Variants in DPP6 observed in about 807,000 individuals in gnomAD.
DPP6 encodes dipeptidyl peptidase like 6.
Under a neutral mutation model 122.6 loss-of-function variants are expected in DPP6, and 69 were observed. The observed-to-expected ratio is 0.56, with a 90% CI of 0.46 to 0.69. The LOEUF is 0.69. DPP6 is among the 30% of genes least tolerant of loss of function. The pLI is 0.00. For synonymous variants in DPP6, 418 were observed against 433.1 expected (o/e 0.97, Z 0.43); for missense variants, 928 against 1,116.9 (o/e 0.83, Z 2.41).
chr7:154,862,591 G>T (rs1485996863), intron 17 of DPP6, among the ~76,000 whole-genome samples: 1 of 152,186 alleles, frequency 6.6e-6, no homozygotes, highest in East Asian at 1.9e-4. Context: ...TGCGGGAGGA[G>T]AGCTGGGCTT....
At chr7:154,453,849 T>C (rs773959818) in intron 2 of DPP6, among the ~76,000 whole-genome samples, 3 of 152,212 alleles carry the variant, frequency 2.0e-5, no homozygotes, top group Admixed American at 6.5e-5. Flanking sequence ...AGATTCATAG[T>C]TGTATTTTAG....
chr7:153,996,374 G>A (rs1475622121), intron 1 of DPP6, among the ~76,000 whole-genome samples: 1 of 152,104 alleles, frequency 6.6e-6, no homozygotes, highest in Non-Finnish European at 1.5e-5. Context: ...AAGATGTAGG[G>A]ACGGAGAAGT....
chr7:153,864,672 T>A, the DPP6 span, among the ~76,000 whole-genome samples: 1 of 135,194 alleles, frequency 7.4e-6, no homozygotes, highest in Non-Finnish European at 1.6e-5. Context: ...ATAATAATAA[T>A]ACACACACAC....
chr7:154,300,629 G>T lies in DPP6; in HGVS notation c.244-145585G>T, dbSNP rs539684032. 1.1e-3 allele frequency among the ~76,000 whole-genome samples: 162 copies of T among 152,204 alleles called. 1 individual carries two copies. Among genetic ancestry groups the T allele is most frequent in the African/African-American group, 3.8e-3 (157 of 41,514 alleles). On this transcript the variant is annotated intron_variant, in intron 1 of 25. Transcript: ENST00000377770. ...GGAGGGGTCTGAAGAGACACAGGAC[G>T]TGTGTATACGTGTGTGGGGATTTGG...
At chr7:154,806,218 G>A (rs1268282357) in intron 15 of DPP6, among the ~76,000 whole-genome samples, 5 of 152,334 alleles carry the variant, frequency 3.3e-5, no homozygotes, top group African/African-American at 7.2e-5. Flanking sequence ...TCTCTCTCCC[G>A]TGAAATATCT....
intron 2 of DPP6, among the ~76,000 whole-genome samples, chr7:154,454,603 G>T (rs149680616): frequency 7.2e-5 from 11 of 152,238 alleles, no homozygotes; most frequent in African/African-American, 2.6e-4. Flanking sequence ...GGAGGGGCCA[G>T]GTGTGGTCAA....
At chr7:154,889,719 C>A in intron 25 of DPP6, 189 bp downstream of exon 25, 2 of 876,344 alleles carry the variant, frequency 2.3e-6, no homozygotes, top group Non-Finnish European at 3.4e-6. Flanking sequence ...TTAATGATAG[C>A]TCCGCTCTGT....
the DPP6 span, among the ~76,000 whole-genome samples, chr7:153,856,261 C>T: frequency 6.6e-6 from 1 of 152,148 alleles, no homozygotes; most frequent in African/African-American, 2.4e-5. Context: ...AGGATGGGAA[C>T]AGGAAAAGTT....
chr7:154,388,112 G>T (rs896916389), intron 1 of DPP6, among the ~76,000 whole-genome samples: 3 of 152,016 alleles, frequency 2.0e-5, no homozygotes, highest in African/African-American at 7.2e-5. Context: ...GACCAGCCTG[G>T]GCAACATGAC....
intron 1 of DPP6, among the ~76,000 whole-genome samples, chr7:154,028,851 C>T (rs10249543): frequency 0.28 from 41,935 of 150,776 alleles, 6,201 homozygotes; most frequent in African/African-American, 0.47. Flanking sequence ...GTGTGCTGCC[C>T]GCAGCCAGAG....
intron 1 of DPP6, among the ~76,000 whole-genome samples, chr7:154,271,405 T>G (rs1004726637): frequency 6.6e-6 from 1 of 152,104 alleles, no homozygotes; most frequent in African/African-American, 2.4e-5. Flanking sequence ...GGTGTTGAGT[T>G]CTACTGTGAT....
chr7:154,504,330 A>G (rs531577702), intron 3 of DPP6, among the ~76,000 whole-genome samples: 9 of 152,296 alleles, frequency 5.9e-5, no homozygotes, highest in African/African-American at 2.2e-4. Flanking sequence ...CTTGTTAACT[A>G]GGTGTATGAT....
chr7:153,784,219 C>T, the DPP6 span, among the ~76,000 whole-genome samples: 3 of 152,150 alleles, frequency 2.0e-5, no homozygotes, highest in Non-Finnish European at 4.4e-5. Context: ...TTGCAAAGAA[C>T]ATTGCCCTCA....
chr7:153,976,540 A>G (rs1304189537), intron 1 of DPP6, among the ~76,000 whole-genome samples: 1 of 152,218 alleles, frequency 6.6e-6, no homozygotes, highest in African/African-American at 2.4e-5. Flanking sequence ...TAATGGAAAA[A>G]TGTATTTTGC....
the DPP6 span, among the ~76,000 whole-genome samples, chr7:153,877,221 T>C: frequency 6.6e-6 from 1 of 152,172 alleles, no homozygotes; most frequent in African/African-American, 2.4e-5. Context: ...AAAAAATTAT[T>C]TGATTCTTTT....
the DPP6 span, among the ~76,000 whole-genome samples, chr7:153,873,440 G>A: frequency 4.6e-5 from 7 of 152,038 alleles, no homozygotes; most frequent in South Asian, 1.5e-3. Flanking sequence ...AATTTAAAAC[G>A]AATGAAAATA....
At chr7:154,808,897 C>T (rs1005209363) in intron 16 of DPP6, among the ~76,000 whole-genome samples, 16 of 151,974 alleles carry the variant, frequency 1.1e-4, no homozygotes, top group African/African-American at 3.1e-4. Context: ...AAGAAGAGTG[C>T]CCCAAGCAAC....
rs1357914188 is a variant in DPP6, at chr7:154,618,482, TCAAAA to T, written c.628-19338_628-19334del. ...TAGACCATTGATTTCCTTTAGAAGA[TCAAAA>T]TCAGGGTGCAGGTAGGAGCCTTAGA... On this transcript the variant is annotated intron_variant, in intron 5 of 25. Transcript: ENST00000377770. This position sits in a 1 kb window ranked among gnomAD's most constrained non-coding sequence, Gnocchi z 4.1. 1.1e-4 allele frequency among the ~76,000 whole-genome samples: 16 copies of T among 152,210 alleles called. No homozygotes were observed. Among genetic ancestry groups the T allele is most frequent in the Non-Finnish European group, 1.5e-5 (1 of 68,038 alleles).
the DPP6 span, among the ~76,000 whole-genome samples, chr7:153,816,523 A>T: frequency 3.9e-5 from 6 of 152,232 alleles, no homozygotes; most frequent in African/African-American, 1.2e-4. Flanking sequence ...AATATTTAAG[A>T]GGAAGGACAA....
Sources: allele counts gnomAD v4.1 joint callset (sites outside exome capture counted in the v4.1 genomes callset), GRCh38; gene constraint gnomAD v4.1.1; non-coding constraint Gnocchi (gnomAD v3.1); transcripts MANE v1.5; gene names NCBI Gene and HGNC (gene_info 2026-07-23, HGNC 2026-07-21).